Variants in RBFOX1 observed in about 807,000 individuals in gnomAD.
The protein encoded by RBFOX1 is RNA binding protein fox-1 homolog 1.
RBFOX1 carries 8 observed loss-of-function variants against 57.7 expected under a neutral mutation model. That is an observed-to-expected ratio of 0.14 (90% CI 0.08 to 0.25). The LOEUF (loss-of-function observed/expected upper bound fraction) is 0.25, where lower values mean the gene tolerates loss of function less well. RBFOX1 is among the 10% of genes least tolerant of loss of function. The probability of loss-of-function intolerance (pLI) is 1.00; values close to 1 mark genes in which losing one functional copy is unlikely to be tolerated. For missense variants in RBFOX1, 611 were observed against 548.5 expected (o/e 1.11, Z -1.14); for synonymous variants, 326 against 222.4 (o/e 1.47, Z -4.15).
chr16:7,326,022 G>A (rs1280293986), intron 4 of RBFOX1, among the ~76,000 whole-genome samples: 4 of 152,132 alleles, frequency 2.6e-5, no homozygotes, highest in African/African-American at 9.7e-5. Flanking sequence ...CAGGCATGTA[G>A]GGAAACCTGA....
chr16:6,759,972 T>A (rs1431135214), intron 3 of RBFOX1, among the ~76,000 whole-genome samples: 1 of 152,196 alleles, frequency 6.6e-6, no homozygotes, highest in African/African-American at 2.4e-5. Context: ...GTATCAGCCC[T>A]TGTGGAGTCT....
intron 4 of RBFOX1, among the ~76,000 whole-genome samples, chr16:7,442,713 G>A (rs1442373165): frequency 6.6e-6 from 1 of 152,148 alleles, no homozygotes; most frequent in African/African-American, 2.4e-5. Flanking sequence ...GAGGGTGGAT[G>A]GTTGTCCGTC....
At chr16:5,958,630 A>T (rs1052582908) in intron 4 of RBFOX1, among the ~76,000 whole-genome samples, 1 of 152,254 alleles carries the variant, frequency 6.6e-6, no homozygotes, top group Non-Finnish European at 1.5e-5. Context: ...TTACCACAGA[A>T]TTAGTGGCTT....
At chr16:6,478,049 G>A (rs12446793) in intron 2 of RBFOX1, among the ~76,000 whole-genome samples, 24,960 of 151,906 alleles carry the variant, frequency 0.16, 2,111 homozygotes, top group Middle Eastern at 0.17. Context: ...AGAGAATGTT[G>A]TGGCTGGTTT....
intron 3 of RBFOX1, among the ~76,000 whole-genome samples, chr16:6,939,120 T>C (rs559222250): frequency 7.9e-5 from 12 of 152,230 alleles, no homozygotes; most frequent in South Asian, 2.1e-4. Context: ...CAGAAAAATT[T>C]AGCAACCTGC....
intron 5 of RBFOX1, among the ~76,000 whole-genome samples, chr16:7,556,627 G>C (rs2088582143): frequency 6.6e-6 from 1 of 152,108 alleles, no homozygotes; most frequent in Non-Finnish European, 1.5e-5. Flanking sequence ...CATGACATTA[G>C]TGGAAAGGCA....
chr16:7,067,420 T>G (rs1303249071), intron 4 of RBFOX1, among the ~76,000 whole-genome samples: 1 of 152,096 alleles, frequency 6.6e-6, no homozygotes, highest in African/African-American at 2.4e-5. Context: ...AGGCTGTGTT[T>G]CTTTTGGAGG....
intron 3 of RBFOX1, among the ~76,000 whole-genome samples, chr16:6,780,545 C>CATATATTTATATATATATTTAT (rs2080812956): frequency 8.9e-6 from 1 of 112,184 alleles, no homozygotes; most frequent in South Asian, 3.1e-4. Context: ...TATACATTTA[C>CATATATTTATATATATATTTAT]ATATATATTT....
chr16:5,763,842 G>T (rs1048887712), intron 3 of RBFOX1, among the ~76,000 whole-genome samples: 1 of 152,128 alleles, frequency 6.6e-6, no homozygotes, highest in Non-Finnish European at 1.5e-5. Context: ...CTCTGAATGC[G>T]CTGGCTGTCT....
chr16:6,267,384 C>G (rs1220064303), intron 1 of RBFOX1, among the ~76,000 whole-genome samples: 1 of 152,166 alleles, frequency 6.6e-6, no homozygotes, highest in Non-Finnish European at 1.5e-5. Context: ...TCACTATCTC[C>G]TATGTGTCCC....
chr16:7,495,156 T>G (rs2068204303), intron 4 of RBFOX1, among the ~76,000 whole-genome samples: 1 of 152,222 alleles, frequency 6.6e-6, no homozygotes, highest in South Asian at 2.1e-4. Flanking sequence ...TTTCATTCTG[T>G]TTTATGGCTG....
At chr16:7,110,399 T>A (rs774056265) in intron 4 of RBFOX1, among the ~76,000 whole-genome samples, 1 of 108,520 alleles carries the variant, frequency 9.2e-6, no homozygotes, top group Non-Finnish European at 2.2e-5. Context: ...GTTGACTACA[T>A]TGAGGGGTTG....
intron 2 of RBFOX1, among the ~76,000 whole-genome samples, chr16:6,506,860 C>T (rs532294986): frequency 3.3e-5 from 5 of 152,084 alleles, no homozygotes; most frequent in African/African-American, 9.7e-5. Context: ...GTTGGCCAGG[C>T]TGGTCTCAAA....
At chr16:7,148,590 G>C (rs1036850997) in intron 4 of RBFOX1, among the ~76,000 whole-genome samples, 1 of 152,216 alleles carries the variant, frequency 6.6e-6, no homozygotes, top group African/African-American at 2.4e-5. Flanking sequence ...GATTTTCCAA[G>C]TTTGATTTTC....
intron 1 of RBFOX1, among the ~76,000 whole-genome samples, chr16:6,279,311 A>G (rs1201156688): frequency 1.3e-5 from 2 of 152,158 alleles, no homozygotes; most frequent in African/African-American, 2.4e-5. Context: ...CATAAATAGA[A>G]TTTTATTAAC....
intron 3 of RBFOX1, among the ~76,000 whole-genome samples, chr16:5,834,494 C>T (rs1346694404): frequency 6.6e-6 from 1 of 152,062 alleles, no homozygotes; most frequent in Admixed American, 6.6e-5. Flanking sequence ...TTTCTTTATC[C>T]ACTCATCTGT....
Position 6,097,880 on chromosome 16 carries a change from A to G in RBFOX1, c.-127+77888A>G, listed in dbSNP as rs931496974. Among the ~76,000 whole-genome samples, 1 of 151,464 alleles carries G rather than the reference A, an allele frequency of 6.6e-6. No individual in the cohort carries two copies. The highest frequency in any genetic ancestry group is 2.4e-5 in the African/African-American group (1 of 41,236). ...GGACGTGTCTGATTTGTGCATGGCT[A>G]TTTTGCGATTTGCCATTGCTGGAAT... On this transcript the variant is annotated intron_variant, in intron 1 of 15. Transcript: ENST00000550418. The surrounding 1 kb of genome is among the most constrained non-coding windows in gnomAD (Gnocchi z 5.0).
chr16:6,143,905 C>T (rs1276592985), intron 1 of RBFOX1, among the ~76,000 whole-genome samples: 1 of 151,698 alleles, frequency 6.6e-6, no homozygotes, highest in African/African-American at 2.4e-5. Context: ...AAGCGATCTT[C>T]CCACATCAGT....
chr16:7,285,472 C>A (rs1027367603), intron 4 of RBFOX1, among the ~76,000 whole-genome samples: 1 of 151,952 alleles, frequency 6.6e-6, no homozygotes, highest in South Asian at 2.1e-4. Context: ...GTGCATCCAA[C>A]ACCACAGTCA....
Sources: gnomAD v4.1 joint callset for allele counts (sites outside exome capture counted in the v4.1 genomes callset) on GRCh38, gnomAD v4.1.1 for gene constraint, Gnocchi (gnomAD v3.1) non-coding constraint, MANE v1.5 for transcripts, NCBI Gene and HGNC (gene_info 2026-07-23, HGNC 2026-07-21) for gene names.